SMOC2: variants seen among roughly 807,000 people sequenced by gnomAD.
SMOC2 encodes the protein SPARC-related modular calcium-binding protein 2.
Under a neutral mutation model 61.4 loss-of-function variants are expected in SMOC2, and 39 were observed. The ratio of observed to expected loss-of-function variants is 0.64; its 90% confidence interval spans 0.49 to 0.83. The LOEUF (loss-of-function observed/expected upper bound fraction) is 0.83, where lower values mean the gene tolerates loss of function less well. Ranked by LOEUF, SMOC2 falls within the 40% of genes least tolerant of loss-of-function variation. The pLI is 0.00. For synonymous variants in SMOC2, 247 were observed against 239.9 expected (o/e 1.03, Z -0.27); for missense variants, 556 against 592.9 (o/e 0.94, Z 0.65).
chr6:168,461,271 A>G (rs895986762), intron 1 of SMOC2, among the ~76,000 whole-genome samples: 9 of 152,266 alleles, frequency 5.9e-5, no homozygotes, highest in East Asian at 1.9e-4. Flanking sequence ...CCATGATTCA[A>G]TCATCTCCCA....
At position 168,526,352 on chromosome 6, in the gene SMOC2, C is replaced by T; in HGVS notation, c.263C>T (p.Ser88Phe). The change falls in exon 3 of 13, where the codon TCC (serine) becomes TTC (phenylalanine). Residue 88 changes from serine (S) to phenylalanine (F), a missense_variant. Transcript: ENST00000356284. The stretch of plus-strand genomic sequence containing the variant: ...GCCCTGTTCTTCCCTACAGACGTGT[C>T]CAGGTGTGTGGCCGAAAGGAAGTAT... ...IAYRGNCKDV[S>F]RCVAERKYTQ... 1 of 1,614,066 alleles carries T rather than the reference C, an allele frequency of 6.2e-7. No individual in the cohort carries two copies. The highest frequency in any genetic ancestry group is 8.5e-7 in the Non-Finnish European group (1 of 1,179,902).
intron 7 of SMOC2, among the ~76,000 whole-genome samples, chr6:168,594,371 AGGG>A (rs1489890892): frequency 1.4e-3 from 10 of 7,296 alleles, no homozygotes; most frequent in Admixed American, 6.2e-3. Flanking sequence ...AGGCCTCACG[AGGG>A]GCATCTTTCT....
chr6:168,522,251 T>TA, intron 2 of SMOC2, among the ~76,000 whole-genome samples: 1 of 152,308 alleles, frequency 6.6e-6, no homozygotes, highest in South Asian at 2.1e-4. Flanking sequence ...TGGCTGGACA[T>TA]ACAACGGTTT....
chr6:168,504,551 G>A (rs75509256), intron 1 of SMOC2, among the ~76,000 whole-genome samples: 7,192 of 151,840 alleles, frequency 0.047, 561 homozygotes, highest in African/African-American at 0.16. Context: ...GGAGCTCAGG[G>A]TAATATGAGC....
intron 4 of SMOC2, among the ~76,000 whole-genome samples, chr6:168,531,305 C>T (rs761423318): frequency 7.9e-5 from 12 of 152,164 alleles, no homozygotes; most frequent in Admixed American, 2.0e-4. Flanking sequence ...TAATTCATTA[C>T]GTGTACATTT....
intron 9 of SMOC2, among the ~76,000 whole-genome samples, chr6:168,611,765 C>T (rs139986569): frequency 0.017 from 2,563 of 152,214 alleles, 40 homozygotes; most frequent in Middle Eastern, 0.058. Context: ...TGATGTGGCT[C>T]CCGTGTCTGA....
intron 1 of SMOC2, among the ~76,000 whole-genome samples, chr6:168,466,959 G>C (rs1467239968): frequency 4.6e-5 from 7 of 152,154 alleles, no homozygotes; most frequent in African/African-American, 1.7e-4. Context: ...CTGCCCACAG[G>C]ATGCTGGGCA....
At chr6:168,444,561 C>G (rs1400710005) in intron 1 of SMOC2, among the ~76,000 whole-genome samples, 1 of 152,160 alleles carries the variant, frequency 6.6e-6, no homozygotes, top group Non-Finnish European at 1.5e-5. Flanking sequence ...TGCTCAGACC[C>G]TCTCACCTCC....
intron 1 of SMOC2, among the ~76,000 whole-genome samples, chr6:168,461,748 C>T (rs780525091): frequency 2.7e-4 from 41 of 152,184 alleles, no homozygotes; most frequent in Non-Finnish European, 5.1e-4. Context: ...GCTGAATACC[C>T]ATGCAGATGA....
chr6:168,600,002 G>T (rs1312424526), intron 8 of SMOC2, among the ~76,000 whole-genome samples: 2 of 151,876 alleles, frequency 1.3e-5, no homozygotes, highest in Admixed American at 6.6e-5. Flanking sequence ...CACACAGTCT[G>T]TCCATCAGCT....
intron 9 of SMOC2, among the ~76,000 whole-genome samples, chr6:168,624,831 A>ACACACAGACACAGG (rs1491470639): frequency 2.1e-5 from 3 of 141,814 alleles, no homozygotes; most frequent in Non-Finnish European, 3.0e-5. Context: ...ACATACAGAA[A>ACACACAGACACAGG]CACACAGACA....
chr6:168,548,420 C>T (rs1271944658), intron 6 of SMOC2, among the ~76,000 whole-genome samples: 1 of 145,680 alleles, frequency 6.9e-6, no homozygotes, highest in Admixed American at 6.9e-5. Flanking sequence ...TACAATGATG[C>T]GATCTCAGCT....
At chr6:168,554,131 C>T (rs778094664) in intron 7 of SMOC2, among the ~76,000 whole-genome samples, 40 of 151,728 alleles carry the variant, frequency 2.6e-4, no homozygotes, top group Non-Finnish European at 1.6e-4. Context: ...CTTTGAACTG[C>T]GTGTGCTGTG....
chr6:168,642,345 G>A (rs1159670480), intron 9 of SMOC2, among the ~76,000 whole-genome samples: 1 of 152,234 alleles, frequency 6.6e-6, no homozygotes, highest in African/African-American at 2.4e-5. Flanking sequence ...ACGTTGGATT[G>A]GCCAAAACTC....
chr6:168,624,972 C>T (rs1323102110), intron 9 of SMOC2, among the ~76,000 whole-genome samples: 1 of 152,054 alleles, frequency 6.6e-6, no homozygotes, highest in Non-Finnish European at 1.5e-5. Context: ...GACACATGCA[C>T]ACCACCACCA....
intron 10 of SMOC2, among the ~76,000 whole-genome samples, chr6:168,652,589 C>G (rs1245206401): frequency 6.6e-6 from 1 of 152,138 alleles, no homozygotes; most frequent in African/African-American, 2.4e-5. Flanking sequence ...AAAAGAATCA[C>G]ATTTACAGGG....
intron 7 of SMOC2, among the ~76,000 whole-genome samples, chr6:168,560,330 G>T (rs1299880945): frequency 6.6e-6 from 1 of 152,188 alleles, no homozygotes; most frequent in Non-Finnish European, 1.5e-5. Flanking sequence ...CAAAAGCATT[G>T]TAAAGCACCT....
intron 9 of SMOC2, among the ~76,000 whole-genome samples, chr6:168,640,803 C>G (rs556872176): frequency 9.9e-5 from 15 of 152,232 alleles, no homozygotes; most frequent in African/African-American, 3.6e-4. Flanking sequence ...AGAAAAGTTT[C>G]TCTTTTGACT....
chr6:168,663,889 G>C (rs759278057), intron 11 of SMOC2, among the ~76,000 whole-genome samples, 185 bp from the exon 12 acceptor site: 7 of 151,978 alleles, frequency 4.6e-5, no homozygotes, highest in African/African-American at 1.5e-4. Context: ...GATATGCAGG[G>C]GTCCTGGAAC....
Sources: allele counts gnomAD v4.1 joint callset (sites outside exome capture counted in the v4.1 genomes callset), GRCh38; gene constraint gnomAD v4.1.1; transcripts MANE v1.5; gene names NCBI Gene and HGNC (gene_info 2026-07-23, HGNC 2026-07-21).